The following AUTS2 variants were observed in gnomAD, a reference collection of about 807,000 sequenced individuals.
AUTS2 encodes autism susceptibility gene 2 protein.
AUTS2 carries 17 observed loss-of-function variants against 112.4 expected under a neutral mutation model. That is an observed-to-expected ratio of 0.15 (90% CI 0.10 to 0.23). The LOEUF (loss-of-function observed/expected upper bound fraction) is 0.23, where lower values mean the gene tolerates loss of function less well. AUTS2 is among the 10% of genes least tolerant of loss of function. The probability of loss-of-function intolerance (pLI) is 1.00; values close to 1 mark genes in which losing one functional copy is unlikely to be tolerated. For missense variants in AUTS2, 1,510 were observed against 1,701.6 expected, an observed-to-expected ratio of 0.89 and a Z score of 1.98; for synonymous variants, 751 against 702.7, an observed-to-expected ratio of 1.07 and a Z score of -1.09.
chr7:69,811,307 C>G (rs1790533671), intron 1 of AUTS2, among the ~76,000 whole-genome samples: 1 of 151,942 alleles, frequency 6.6e-6, no homozygotes, highest in Non-Finnish European at 1.5e-5. Flanking sequence ...CTGTGGTCAC[C>G]ATATTGCATC....
At chr7:70,479,882 G>A (rs1275568382) in intron 5 of AUTS2, among the ~76,000 whole-genome samples, 1 of 152,190 alleles carries the variant, frequency 6.6e-6, no homozygotes, top group African/African-American at 2.4e-5. Flanking sequence ...GAGTGTGAAA[G>A]GTAAGTGCAG....
intron 1 of AUTS2, among the ~76,000 whole-genome samples, chr7:69,772,579 A>G (rs1229025490): frequency 6.6e-6 from 1 of 152,176 alleles, no homozygotes; most frequent in Non-Finnish European, 1.5e-5. Context: ...GACTACAGGC[A>G]CATACCACCA....
chr7:70,789,744 C>T lies in AUTS2; in HGVS notation c.2532-4C>T, dbSNP rs1385899004. ...GCGTCCTTGTCTTCCCCTCTCTCCC[C>T]CAGGGAAAGCGTCGAGAAGAGACAC... On this transcript the variant is annotated splice_polypyrimidine_tract_variant and splice_region_variant and intron_variant, in intron 18 of 18. Transcript: ENST00000342771. 5 of 1,608,758 alleles carry T rather than the reference C, an allele frequency of 3.1e-6. No individual in the cohort carries two copies. The African/African-American group carries it at 4.0e-5, about 13-fold the overall frequency.
chr7:70,632,256 A>G (rs932365576), intron 5 of AUTS2, among the ~76,000 whole-genome samples: 1 of 152,074 alleles, frequency 6.6e-6, no homozygotes, highest in African/African-American at 2.4e-5. Context: ...ATTAGTGCAG[A>G]GTGCTAATAG....
chr7:69,605,179 C>T (rs532011989), intron 1 of AUTS2, among the ~76,000 whole-genome samples: 3 of 152,308 alleles, frequency 2.0e-5, no homozygotes, highest in East Asian at 3.9e-4. Context: ...AAAGTCCCTC[C>T]AGATCTTGGA....
rs565725329 is a variant in AUTS2, at chr7:70,790,764, G to A, written c.3548G>A (p.Ser1183Asn). 478 of 1,612,038 alleles carry A rather than the reference G, an allele frequency of 3.0e-4. 5 individuals carry two copies. The South Asian group carries it at 5.0e-3, about 17-fold the overall frequency. ...CTCGACGGACACCTCCCCCACCCCAGCCTCATCACCCCGGGACTCCCCAGC... is the reference window on the plus strand; with the variant it reads ...CTCGACGGACACCTCCCCCACCCCAACCTCATCACCCCGGGACTCCCCAGC... The part of the protein sequence containing the change: ...ASLDGHLPHP[S>N]LITPGLPSMH... The change falls in exon 19 of 19, where the codon AGC (serine) becomes AAC (asparagine). Residue 1183 changes from serine to asparagine, a missense_variant. Physicochemically the swap from Ser to Asn is conservative, Grantham distance 46. Coordinates refer to ENST00000342771, the MANE Select transcript of AUTS2 (RefSeq NM_015570.4). The surrounding 1 kb of genome is among the most constrained non-coding windows in gnomAD (Gnocchi z 7.6).
chr7:70,671,854 C>T (rs1168517345), intron 5 of AUTS2, among the ~76,000 whole-genome samples: 3 of 152,164 alleles, frequency 2.0e-5, no homozygotes, highest in African/African-American at 7.2e-5. Flanking sequence ...TGTTTGCAAC[C>T]TTTGCTTAGG....
chr7:69,875,779 C>G (rs1235391871), intron 1 of AUTS2, among the ~76,000 whole-genome samples: 1 of 152,220 alleles, frequency 6.6e-6, no homozygotes, highest in Non-Finnish European at 1.5e-5. Context: ...GGAAATGGAA[C>G]TCTTTGAAGA....
chr7:70,037,878 C>G (rs890096166), intron 2 of AUTS2, among the ~76,000 whole-genome samples: 13 of 152,116 alleles, frequency 8.5e-5, no homozygotes, highest in Non-Finnish European at 1.0e-4. Context: ...ATATTAAGCA[C>G]CTAATAAATG....
intron 6 of AUTS2, among the ~76,000 whole-genome samples, chr7:70,717,305 G>A (rs377696447): frequency 2.0e-5 from 3 of 151,914 alleles, no homozygotes; most frequent in African/African-American, 4.8e-5. Flanking sequence ...CCCAGCCTCC[G>A]AAGTAGCTGG....
intron 4 of AUTS2, among the ~76,000 whole-genome samples, chr7:70,371,894 G>C (rs894688055): frequency 2.0e-5 from 3 of 152,094 alleles, no homozygotes; most frequent in Non-Finnish European, 2.9e-5. Flanking sequence ...GATCAATCAG[G>C]GTGATGTCTC....
At chr7:70,094,157 G>C (rs1014645882) in intron 2 of AUTS2, among the ~76,000 whole-genome samples, 1 of 152,242 alleles carries the variant, frequency 6.6e-6, no homozygotes, top group Middle Eastern at 3.4e-3. Context: ...TTTGCAGGAA[G>C]CAAAAAGGAA....
At chr7:70,430,828 CTTTTTTTTTTT>C (rs745358887) in intron 4 of AUTS2, among the ~76,000 whole-genome samples, 4 of 94,498 alleles carry the variant, frequency 4.2e-5, no homozygotes, top group South Asian at 4.3e-4. Context: ...GCAGTGTCGC[CTTTTTTTTTTT>C]TTTTTTTTTT....
chr7:70,340,163 AACACACACACAC>A (rs71077652), intron 4 of AUTS2, among the ~76,000 whole-genome samples: 2 of 144,682 alleles, frequency 1.4e-5, no homozygotes, highest in East Asian at 2.0e-4. Context: ...TATGGAGAGA[AACACACACACAC>A]ACACACACAC....
intron 4 of AUTS2, among the ~76,000 whole-genome samples, chr7:70,149,501 C>T (rs553430552): frequency 9.9e-5 from 15 of 152,138 alleles, no homozygotes; most frequent in South Asian, 4.1e-4. Context: ...GGGATAGTTA[C>T]GATCTTCCTT....
chr7:69,735,973 C>T (rs1787011298), intron 1 of AUTS2, among the ~76,000 whole-genome samples: 1 of 152,156 alleles, frequency 6.6e-6, no homozygotes, highest in South Asian at 2.1e-4. Flanking sequence ...GTATGGATGG[C>T]CCAAGGATAT....
In AUTS2 at chr7:70,461,400, A is replaced by G. The variant is rs1279877670; in HGVS notation, c.690+25619A>G. ...AGGGAGGACACAAGGGTTTTTCTCAATTATGTACCACTGTGAGCTTGGCTT... is the reference window on the plus strand; with the variant it reads ...AGGGAGGACACAAGGGTTTTTCTCAGTTATGTACCACTGTGAGCTTGGCTT... On this transcript the variant is annotated intron_variant, in intron 5 of 18. Transcript: ENST00000342771. Among the ~76,000 whole-genome samples, 10 of 152,204 alleles carry G rather than the reference A, an allele frequency of 6.6e-5. No homozygotes were observed. In the East Asian group the frequency reaches 1.9e-3, roughly 29 times the overall value.
intron 4 of AUTS2, among the ~76,000 whole-genome samples, chr7:70,285,374 A>G (rs559213808): frequency 6.6e-6 from 1 of 152,270 alleles, no homozygotes; most frequent in Non-Finnish European, 1.5e-5. Flanking sequence ...TTTGTTAGTC[A>G]GTGTTTATTT....
At chr7:70,369,327 A>G (rs1193543270) in intron 4 of AUTS2, among the ~76,000 whole-genome samples, 1 of 152,150 alleles carries the variant, frequency 6.6e-6, no homozygotes, top group East Asian at 1.9e-4. Context: ...ATGTTCTCAG[A>G]GAATGTGTTG....
Sources: gnomAD v4.1 joint callset for allele counts (sites outside exome capture counted in the v4.1 genomes callset) on GRCh38, gnomAD v4.1.1 for gene constraint, Gnocchi (gnomAD v3.1) non-coding constraint, MANE v1.5 for transcripts, NCBI Gene and HGNC (gene_info 2026-07-23, HGNC 2026-07-21) for gene names.